Variants in MAEL observed in about 807,000 individuals in gnomAD.
MAEL encodes the protein maelstrom spermatogenic transposon silencer, also known as protein maelstrom homolog.
Under a neutral mutation model 62.0 loss-of-function variants are expected in MAEL, and 46 were observed. That is an observed-to-expected ratio of 0.74 (90% CI 0.59 to 0.95). The LOEUF is 0.95. MAEL is among the 40% of genes least tolerant of loss of function. The pLI is 0.00. For synonymous variants in MAEL, 172 were observed against 175.5 expected, an observed-to-expected ratio of 0.98 and a Z score of 0.16; for missense variants, 497 against 526.8, an observed-to-expected ratio of 0.94 and a Z score of 0.55.
chr1:167,012,469 A>G (rs1665206220), intron 8 of MAEL: 1 of 152,208 alleles, frequency 6.6e-6, no homozygotes, highest in African/African-American at 2.4e-5. Flanking sequence ...TAATCAACAA[A>G]TATTTATTGA....
chr1:167,017,973 T>A lies in MAEL; in HGVS notation c.1041+14T>A. On this transcript the variant is annotated intron_variant, in intron 10 of 11. Coordinates refer to ENST00000367872, the MANE Select transcript of MAEL (RefSeq NM_032858.3). The stretch of plus-strand genomic sequence containing the variant: ...GGGCGTTACCAGGTAAGGAACTGAC[T>A]TTTAAGAGCTGCTGGTCTCTTTAGC... The A allele has an allele frequency of 6.2e-7, 1 of 1,611,504 alleles. No individual in the cohort carries two copies. Among genetic ancestry groups the A allele is most frequent in the Non-Finnish European group, 8.5e-7 (1 of 1,178,508 alleles).
At chr1:167,013,577 T>G (rs1393962781) in intron 8 of MAEL, among the ~76,000 whole-genome samples, 2 of 152,244 alleles carry the variant, frequency 1.3e-5, no homozygotes, top group Non-Finnish European at 2.9e-5. Flanking sequence ...CTATATCCTG[T>G]TAGGGCTATT....
chr1:167,007,160 C>A (rs576594270), intron 8 of MAEL, among the ~76,000 whole-genome samples: 1 of 151,014 alleles, frequency 6.6e-6, no homozygotes, highest in Admixed American at 6.6e-5. Context: ...TCCTTTTTAC[C>A]CATTTATTTA....
chr1:167,014,360 T>C (rs1487493190), intron 8 of MAEL, among the ~76,000 whole-genome samples: 2 of 152,226 alleles, frequency 1.3e-5, no homozygotes, highest in African/African-American at 4.8e-5. Flanking sequence ...TTTAATGAGC[T>C]TTTGATACTT....
chr1:167,002,673 T>C (rs1664726326), intron 5 of MAEL, among the ~76,000 whole-genome samples: 1 of 152,178 alleles, frequency 6.6e-6, no homozygotes, highest in South Asian at 2.1e-4. Flanking sequence ...TAGTTGGCCT[T>C]TACTAGAAAA....
chr1:166,987,165 G>T (rs1029506052), upstream of MAEL, among the ~76,000 whole-genome samples: 2 of 152,102 alleles, frequency 1.3e-5, no homozygotes, highest in African/African-American at 2.4e-5. Context: ...AACCCAGAAG[G>T]TTCCCTGTGT....
Position 166,992,696 on chromosome 1 carries a change from A to T in MAEL, c.336A>T (p.Gly112=). ...LSLKGDQALL[G]GIFYFLNIFS... ...ACAATTTTTTTTTAGCTCTCCTTGG[A>T]GGCATTTTTTATTTTTTGAACATTT... The change falls in exon 4 of 12, where the codon GGA becomes GGT. Residue 112 remains glycine, a synonymous_variant. Transcript: ENST00000367872. 6.3e-7 allele frequency: 1 copy of T among 1,588,216 alleles called. No individual in the cohort carries two copies. Among genetic ancestry groups the T allele is most frequent in the Non-Finnish European group, 8.5e-7 (1 of 1,172,302 alleles).
intron 9 of MAEL, among the ~76,000 whole-genome samples, chr1:167,017,582 T>C (rs1438449205): frequency 6.6e-6 from 1 of 152,182 alleles, no homozygotes; most frequent in Non-Finnish European, 1.5e-5. Flanking sequence ...TTTATCTTCA[T>C]TGCCATGCCC....
At chr1:166,976,673 A>C (rs1350110410) in intron 1 of MAEL, among the ~76,000 whole-genome samples, 1 of 152,214 alleles carries the variant, frequency 6.6e-6, no homozygotes, top group African/African-American at 2.4e-5. Flanking sequence ...GGAAAGAGAC[A>C]TAGCAGAAAG....
chr1:167,004,381 C>T (rs1029614853), intron 6 of MAEL, 77 bp downstream of exon 6: 6 of 1,401,534 alleles, frequency 4.3e-6, no homozygotes, highest in South Asian at 3.0e-5. Flanking sequence ...GAATTTTTGC[C>T]TGTGTATTTT....
chr1:166,998,786 C>T (rs1172294676), intron 5 of MAEL, among the ~76,000 whole-genome samples: 1 of 152,156 alleles, frequency 6.6e-6, no homozygotes. Flanking sequence ...TTGAGCAAGT[C>T]TATTGGCATC....
intron 5 of MAEL, among the ~76,000 whole-genome samples, chr1:166,998,877 A>G (rs1432801945): frequency 6.6e-6 from 1 of 152,102 alleles, no homozygotes; most frequent in Non-Finnish European, 1.5e-5. Flanking sequence ...TGTCATTATC[A>G]TCATGTTTGC....
At chr1:167,009,906 C>G (rs189215620) in intron 8 of MAEL, among the ~76,000 whole-genome samples, 8 of 151,854 alleles carry the variant, frequency 5.3e-5, no homozygotes, top group Admixed American at 1.3e-4. Flanking sequence ...ATTTCTGTTT[C>G]TAGTTTTGAA....
chr1:167,008,334 A>G (rs1665019835), intron 8 of MAEL, among the ~76,000 whole-genome samples: 1 of 152,066 alleles, frequency 6.6e-6, no homozygotes, highest in African/African-American at 2.4e-5. Flanking sequence ...TCTAATTTTA[A>G]TGGGGTAAAT....
At chr1:167,014,423 G>A (rs1485848136) in intron 8 of MAEL, among the ~76,000 whole-genome samples, 1 of 152,200 alleles carries the variant, frequency 6.6e-6, no homozygotes, top group African/African-American at 2.4e-5. Context: ...GAAAGTTTCT[G>A]TGGGAAATAT....
At chr1:167,020,866 A>T (rs1410243) in intron 10 of MAEL, among the ~76,000 whole-genome samples, 5 of 151,560 alleles carry the variant, frequency 3.3e-5, no homozygotes, top group African/African-American at 1.2e-4. Context: ...TCTCACTTTT[A>T]AAAAAAAAGG....
intron 1 of MAEL, among the ~76,000 whole-genome samples, chr1:166,982,111 T>C (rs141793610): frequency 1.3e-5 from 2 of 152,318 alleles, no homozygotes; most frequent in East Asian, 3.9e-4. Context: ...AATTCACATG[T>C]ATATTGCAAG....
chr1:167,005,280 T>C lies in MAEL; in HGVS notation c.728T>C (p.Leu243Pro). The change falls in exon 8 of 12, where the codon CTC becomes CCC. Residue 243 changes from leucine (L) to proline (P), a missense_variant. Leu to Pro is a moderately conservative substitution (Grantham distance 98). Coordinates refer to ENST00000367872, the MANE Select transcript of MAEL (RefSeq NM_032858.3). ...GAAATCAGGCAAGATCTACAACTTC[T>C]CACTGTAGAGGACCTTGTAGTGGGG... ...ASEIRQDLQLLTVEDLVVGIY... is the reference protein window; with the variant it reads ...ASEIRQDLQLPTVEDLVVGIY... The C allele has an allele frequency of 1.9e-6, 3 of 1,613,274 alleles. No individual in the cohort carries two copies. Among genetic ancestry groups the C allele is most frequent in the Non-Finnish European group, 2.5e-6 (3 of 1,179,682 alleles).
intron 8 of MAEL, among the ~76,000 whole-genome samples, chr1:167,008,114 C>T (rs1468094544): frequency 6.6e-6 from 1 of 152,004 alleles, no homozygotes; most frequent in Non-Finnish European, 1.5e-5. Context: ...TATAAATTAA[C>T]TTGGGGATAA....
Sources: allele counts gnomAD v4.1 joint callset (sites outside exome capture counted in the v4.1 genomes callset), GRCh38; gene constraint gnomAD v4.1.1; transcripts MANE v1.5; gene names NCBI Gene and HGNC (gene_info 2026-07-23, HGNC 2026-07-21).